Variants in LDHC observed in about 807,000 individuals in gnomAD.
LDHC encodes lactate dehydrogenase C.
A neutral mutation model predicts 30.2 loss-of-function variants in LDHC; 20 were observed. That is an observed-to-expected ratio of 0.66 (90% CI 0.47 to 0.96). The LOEUF is 0.96. LDHC is among the 40% of genes least tolerant of loss of function. The probability of loss-of-function intolerance (pLI) is 0.00; values close to 1 mark genes in which losing one functional copy is unlikely to be tolerated. For missense variants in LDHC, 362 were observed against 394.9 expected, an observed-to-expected ratio of 0.92 and a Z score of 0.71; for synonymous variants, 139 against 132.7, an observed-to-expected ratio of 1.05 and a Z score of -0.32.
intron 3 of LDHC, among the ~76,000 whole-genome samples, chr11:18,419,653 TAG>T (rs1867083465): frequency 6.6e-6 from 1 of 152,196 alleles, no homozygotes; most frequent in Admixed American, 6.5e-5. Context: ...CATGCCACTA[TAG>T]ATTTAAAAAT....
chr11:18,429,427 A>G (rs1373919675), intron 3 of LDHC, among the ~76,000 whole-genome samples: 1 of 152,118 alleles, frequency 6.6e-6, no homozygotes, highest in Non-Finnish European at 1.5e-5. Flanking sequence ...TGGTGTTTCT[A>G]AGAAGGCAGA....
At chr11:18,450,105 T>C (rs1462391891) in intron 7 of LDHC, 1 of 152,116 alleles carries the variant, frequency 6.6e-6, no homozygotes, top group Non-Finnish European at 1.5e-5. Flanking sequence ...TGGGGGTATA[T>C]TGAGTTTTCC....
intron 4 of LDHC, among the ~76,000 whole-genome samples, chr11:18,431,716 TG>T (rs1196727982): frequency 6.6e-6 from 1 of 151,872 alleles, no homozygotes; most frequent in Non-Finnish European, 1.5e-5. Context: ...GGCTAATTTT[TG>T]TATTTGTATT....
At chr11:18,419,200 C>T (rs1867075463) in intron 3 of LDHC, among the ~76,000 whole-genome samples, 1 of 152,164 alleles carries the variant, frequency 6.6e-6, no homozygotes, top group Non-Finnish European at 1.5e-5. Flanking sequence ...CAACTCTGCT[C>T]TTACAGTGCA....
chr11:18,427,078 C>T (rs1848173131), intron 3 of LDHC, among the ~76,000 whole-genome samples: 2 of 152,132 alleles, frequency 1.3e-5, no homozygotes. Flanking sequence ...CTATTAGCGG[C>T]TGGGCGTGGT....
intron 6 of LDHC, among the ~76,000 whole-genome samples, chr11:18,439,899 C>T (rs1848433775): frequency 6.8e-6 from 1 of 146,950 alleles, no homozygotes; most frequent in East Asian, 2.0e-4. Flanking sequence ...GGCTGAGGCA[C>T]AAGAATTGCT....
intron 5 of LDHC, 42 bp from the exon 6 acceptor site, chr11:18,438,486 A>G (rs1848397064): frequency 7.9e-7 from 1 of 1,259,538 alleles, no homozygotes; most frequent in South Asian, 1.2e-5. Context: ...TCCTGATGCC[A>G]TATTGGGAAG....
chr11:18,424,500 C>T (rs990085839), intron 3 of LDHC, among the ~76,000 whole-genome samples: 14 of 152,054 alleles, frequency 9.2e-5, no homozygotes, highest in African/African-American at 1.9e-4. Context: ...TTTGCACATG[C>T]GCACTAGGAT....
intron 6 of LDHC, among the ~76,000 whole-genome samples, chr11:18,441,626 G>A (rs1848468807): frequency 6.7e-6 from 1 of 149,984 alleles, no homozygotes; most frequent in Non-Finnish European, 1.5e-5. Context: ...ATTTCAATGC[G>A]GCTGGGCGTG....
intron 6 of LDHC, among the ~76,000 whole-genome samples, chr11:18,442,591 T>G (rs1470019451): frequency 1.3e-5 from 2 of 152,082 alleles, no homozygotes; most frequent in Non-Finnish European, 1.5e-5. Context: ...TATCATTTAC[T>G]ATCACTTGCG....
chr11:18,434,852 G>A lies in LDHC; in HGVS notation c.531G>A (p.Lys177=). The A allele has an allele frequency of 6.2e-7, 1 of 1,613,410 alleles. No homozygotes were observed. The highest frequency in any genetic ancestry group is 1.6e-4 in the Middle Eastern group (1 of 6,062). ...SARFRYLIGE[K]LGVHPTSCHG... is the part of the protein sequence containing the mutation. ...GTTTCCGTTACCTAATTGGAGAAAAGTTGGGTGTCCACCCCACAAGCTGCC... is the reference window on the plus strand; with the variant it reads ...GTTTCCGTTACCTAATTGGAGAAAAATTGGGTGTCCACCCCACAAGCTGCC... The change falls in exon 5 of 8, where the codon AAG becomes AAA. Residue 177 remains lysine (K), a synonymous_variant. Transcript: ENST00000541669.
At chr11:18,418,514 C>T (rs1034430280) in intron 3 of LDHC, among the ~76,000 whole-genome samples, 5 of 151,842 alleles carry the variant, frequency 3.3e-5, no homozygotes, top group Admixed American at 6.6e-5. Flanking sequence ...ACTGCAACCT[C>T]CACCTCCCAG....
chr11:18,444,604 G>GTATATATATATATATATATATA (rs60764598), intron 6 of LDHC, among the ~76,000 whole-genome samples: 3 of 89,378 alleles, frequency 3.4e-5, no homozygotes, highest in Non-Finnish European at 7.6e-5. Flanking sequence ...TGTTCAGGTG[G>GTATATATATATATATATATATA]TATATATATA....
intron 6 of LDHC, among the ~76,000 whole-genome samples, chr11:18,445,252 A>G (rs950366022): frequency 6.6e-6 from 1 of 151,542 alleles, no homozygotes; most frequent in Admixed American, 6.6e-5. Flanking sequence ...GCAATGGTAT[A>G]GTCTAGGCTC....
chr11:18,444,642 A>ATATATAT (rs1848523348), intron 6 of LDHC, among the ~76,000 whole-genome samples: 1 of 101,558 alleles, frequency 9.8e-6, no homozygotes, highest in Non-Finnish European at 2.0e-5. Context: ...ATATATATAT[A>ATATATAT]TATATATGCC....
At chr11:18,430,982 A>G (rs1329224606) in intron 4 of LDHC, among the ~76,000 whole-genome samples, 1 of 151,914 alleles carries the variant, frequency 6.6e-6, no homozygotes, top group Non-Finnish European at 1.5e-5. Flanking sequence ...TGGGCAACAT[A>G]GGGAGACCTT....
intron 5 of LDHC, among the ~76,000 whole-genome samples, chr11:18,436,832 T>C (rs541175381): frequency 6.6e-6 from 1 of 152,246 alleles, no homozygotes; most frequent in East Asian, 1.9e-4. Context: ...ATCATCCCCT[T>C]TTTTTGATGT....
At chr11:18,413,997 T>C (rs999381601) in intron 2 of LDHC, among the ~76,000 whole-genome samples, 2 of 152,232 alleles carry the variant, frequency 1.3e-5, no homozygotes, top group African/African-American at 4.8e-5. Flanking sequence ...ACATAGTCTT[T>C]GTATATCTTG....
intron 3 of LDHC, among the ~76,000 whole-genome samples, chr11:18,420,532 C>T (rs1867101472): frequency 6.6e-6 from 1 of 150,664 alleles, no homozygotes; most frequent in Non-Finnish European, 1.5e-5. Context: ...TGGAATCTAC[C>T]CAGCAAAAAC....
Sources: gnomAD v4.1 joint callset for allele counts (sites outside exome capture counted in the v4.1 genomes callset) on GRCh38, gnomAD v4.1.1 for gene constraint, MANE v1.5 for transcripts, NCBI Gene and HGNC (gene_info 2026-07-23, HGNC 2026-07-21) for gene names.